The following C9orf50 variants were observed in gnomAD, a reference collection of about 807,000 sequenced individuals.
The protein encoded by C9orf50 is uncharacterized protein C9orf50.
C9orf50 carries 33 observed loss-of-function variants against 42.5 expected under a neutral mutation model. The observed-to-expected ratio is 0.78, with a 90% confidence interval of 0.59 to 1.04. The LOEUF (loss-of-function observed/expected upper bound fraction) is 1.04. Ranked by LOEUF, C9orf50 falls within the 50% of genes least tolerant of loss-of-function variation. The probability of loss-of-function intolerance (pLI) is 0.00; values close to 1 mark genes in which losing one functional copy is unlikely to be tolerated. For missense variants in C9orf50, 547 were observed against 594.3 expected (o/e 0.92, Z 0.83); for synonymous variants, 257 against 273.4 (o/e 0.94, Z 0.59).
In C9orf50 at chr9:129,620,477, GGCAGCCGCGGGTCGCT is replaced by G; in HGVS notation, c.82_97del (p.Ser28ProfsTer3). On this transcript the variant is annotated frameshift_variant, in exon 1 of 7. Transcript: ENST00000372478. LOFTEE classifies it high-confidence loss of function. This position sits in a 1 kb window ranked among gnomAD's most constrained non-coding sequence, Gnocchi z 5.8. ...TCGGAGCGCGGGCGGGGTCAGCTTG[GGCAGCCGCGGGTCGCT>G]GCTGCGTCGGAAGTCTCCGTCGCCA... 1 of 1,377,540 alleles carries G rather than the reference GGCAGCCGCGGGTCGCT, an allele frequency of 7.3e-7. No homozygotes were observed. The highest frequency in any genetic ancestry group is 1.6e-5 in the South Asian group (1 of 62,104). The allele number at this position is 1,377,540 out of a possible 1,614,324, so 85.3% of individuals were successfully genotyped here.
Position 129,613,310 on chromosome 9 carries a change from C to T in C9orf50, c.1044-59G>A. On this transcript the variant is annotated intron_variant, in intron 5 of 6. Transcript: ENST00000372478. This position sits in a 1 kb window ranked among gnomAD's most constrained non-coding sequence, Gnocchi z 6.2. The stretch of plus-strand genomic sequence containing the variant: ...CTCTGAGTCCCCGGCCCACCCATGG[C>T]TGGCAGGGCCCTTGAGGACCCACAC... The T allele has an allele frequency of 5.1e-6, 8 of 1,565,290 alleles. No individual in the cohort carries two copies. The South Asian group carries it at 8.4e-5, about 16-fold the overall frequency.
At chr9:129,618,811 G>A (rs1387492418) in intron 3 of C9orf50, among the ~76,000 whole-genome samples, 1 of 151,596 alleles carries the variant, frequency 6.6e-6, no homozygotes, top group African/African-American at 2.4e-5. Context: ...TCTCGCCTCA[G>A]CCTCCCGAGT....
At chr9:129,617,586 C>T (rs150175609) in intron 3 of C9orf50, among the ~76,000 whole-genome samples, 105 of 152,332 alleles carry the variant, frequency 6.9e-4, no homozygotes, top group African/African-American at 2.0e-3. Context: ...GAATGAATTC[C>T]ATACTTTTAT....
rs544860982 is a variant in C9orf50, at chr9:129,614,784, C to G, written c.880+700G>C. Among the ~76,000 whole-genome samples, 18 of 152,094 alleles carry G rather than the reference C, an allele frequency of 1.2e-4. No homozygotes were observed. Among genetic ancestry groups the G allele is most frequent in the African/African-American group, 3.9e-4 (16 of 41,398 alleles). On this transcript the variant is annotated intron_variant, in intron 4 of 6. Coordinates refer to ENST00000372478, the Ensembl canonical transcript of C9orf50. This position sits in a 1 kb window ranked among gnomAD's most constrained non-coding sequence, Gnocchi z 4.4. ...AGGGGCGGTGGCGCATGCCTGTAATCCCAGGTACTCAGGAGGCTGAGGCAG... is the reference window on the plus strand; with the variant it reads ...AGGGGCGGTGGCGCATGCCTGTAATGCCAGGTACTCAGGAGGCTGAGGCAG...
intron 3 of C9orf50, among the ~76,000 whole-genome samples, chr9:129,618,783 C>G (rs574878683): frequency 6.6e-6 from 1 of 152,222 alleles, no homozygotes; most frequent in African/African-American, 2.4e-5. Flanking sequence ...AGCTCCGCCT[C>G]CCGGGTTCAC....
Position 129,613,264 on chromosome 9 carries a change from G to A in C9orf50, c.1044-13C>T, listed in dbSNP as rs1392512468. 1 of 1,594,292 alleles carries A rather than the reference G, an allele frequency of 6.3e-7. No homozygotes were observed. ...CTTCTGGGTGGACCTGGGGGAGACA[G>A]GACCCCATGAGCTTCCTGGACTCTG... On this transcript the variant is annotated splice_polypyrimidine_tract_variant and intron_variant, in intron 5 of 6. Transcript: ENST00000372478. This position sits in a 1 kb window ranked among gnomAD's most constrained non-coding sequence, Gnocchi z 6.2.
rs1340310411 is a variant in C9orf50, at chr9:129,620,542, C to A, written c.33G>T (p.Gln11His). 7.1e-7 allele frequency: 1 copy of A among 1,406,234 alleles called. No homozygotes were observed. Among genetic ancestry groups the A allele is most frequent in the Non-Finnish European group, 9.3e-7 (1 of 1,076,780 alleles). The allele number at this position is 1,406,234 out of a possible 1,614,324, so 87.1% of individuals were successfully genotyped here. The change falls in exon 1 of 7, where the codon CAG becomes CAT. Residue 11 changes from glutamine to histidine, a missense_variant. Physicochemically the swap from Gln to His is conservative, Grantham distance 24. Around this residue, in one of 3 missense-constraint regions of C9orf50, gnomAD observed 105 missense variants for 98.5 expected, o/e 1.07. Coordinates refer to ENST00000372478, the Ensembl canonical transcript of C9orf50. The surrounding 1 kb of genome is among the most constrained non-coding windows in gnomAD (Gnocchi z 5.8). ...CAGGGAGCCCCTTGGGCGCCAGGTC[C>A]TGGGCCCCTGGGCGAAGTCGACGCC...
At position 129,616,044 on chromosome 9, in the gene C9orf50, T is replaced by A. The variant is rs145858591; in HGVS notation, c.717-397A>T. Among the ~76,000 whole-genome samples the A allele has an allele frequency of 5.9e-5, 9 of 152,280 alleles. No individual in the cohort carries two copies. In the East Asian group the frequency reaches 1.7e-3, roughly 29 times the overall value. On this transcript the variant is annotated intron_variant, in intron 3 of 6. Transcript: ENST00000372478. The stretch of plus-strand genomic sequence containing the variant: ...AATAAGAATGCCAGCCCAGGAGTCA[T>A]GCAGTCCTGGGTTTCATTCCTGACC...
Position 129,614,787 on chromosome 9 carries a change from A to C in C9orf50, c.880+697T>G, listed in dbSNP as rs564768706. 6.6e-6 allele frequency among the ~76,000 whole-genome samples: 1 copy of C among 152,284 alleles called. No homozygotes were observed. The highest frequency in any genetic ancestry group is 2.4e-5 in the African/African-American group (1 of 41,560). On this transcript the variant is annotated intron_variant, in intron 4 of 6. Transcript: ENST00000372478. The surrounding 1 kb of genome is among the most constrained non-coding windows in gnomAD (Gnocchi z 4.4). ...GGCGGTGGCGCATGCCTGTAATCCC[A>C]GGTACTCAGGAGGCTGAGGCAGGAG...
chr9:129,616,434 C>T (rs1187082249), intron 3 of C9orf50, among the ~76,000 whole-genome samples: 1 of 152,006 alleles, frequency 6.6e-6, no homozygotes, highest in African/African-American at 2.4e-5. Context: ...CAGGGTGGTC[C>T]CGAACGCCTG....
At chr9:129,619,399 G>A (rs1830557847) in intron 3 of C9orf50, 121 bp downstream of exon 3, 1 of 742,508 alleles carries the variant, frequency 1.3e-6, no homozygotes, top group Non-Finnish European at 2.3e-6. Flanking sequence ...CCATATGTAA[G>A]GATGGATGAA....
At chr9:129,619,567 G>C (rs1314226206) in exon 3 of C9orf50, 3 of 1,613,938 alleles carry the variant, frequency 1.9e-6, no homozygotes, top group African/African-American at 2.7e-5. Flanking sequence ...CACCCTTCAG[G>C]GGCCCCAGAA....
At position 129,620,471 on chromosome 9, in the gene C9orf50, A is replaced by G. The variant is rs1830640400; in HGVS notation, c.104T>C (p.Leu35Pro). 3 of 1,357,616 alleles carry G rather than the reference A, an allele frequency of 2.2e-6. No individual in the cohort carries two copies. The highest frequency in any genetic ancestry group is 2.9e-6 in the Non-Finnish European group (3 of 1,051,378). 84.1% of individuals were successfully genotyped at this position (1,357,616 alleles called of 1,614,324 possible). ...AGCCGCTCGGAGCGCGGGCGGGGTC[A>G]GCTTGGGCAGCCGCGGGTCGCTGCT... is the stretch of plus-strand genomic sequence containing the variant. Residue 35 changes from leucine (L) to proline (P), a missense_variant, in exon 1 of 7, where the codon CTG (leucine) becomes CCG (proline). Transcript: ENST00000372478. This position sits in a 1 kb window ranked among gnomAD's most constrained non-coding sequence, Gnocchi z 5.8.
At chr9:129,619,900 G>C in intron 1 of C9orf50, 70 bp from the exon 2 acceptor site, 2 of 1,547,686 alleles carry the variant, frequency 1.3e-6, no homozygotes, top group Non-Finnish European at 1.8e-6. Flanking sequence ...TGGCCTCGGG[G>C]TGATGGCAGA....
chr9:129,613,539 C>T lies in C9orf50; in HGVS notation c.939G>A (p.Val313=), dbSNP rs373916566. ...CCAGCCGTTTTCCGACACTCCCAAA[C>T]ACCCGCTCGGACGCCACTGGCAGGG... is the stretch of plus-strand genomic sequence containing the variant. The change falls in exon 5 of 7, where the codon GTG becomes GTA. Residue 313 remains valine (V), a synonymous_variant. Coordinates refer to ENST00000372478, the Ensembl canonical transcript of C9orf50. The surrounding 1 kb of genome is among the most constrained non-coding windows in gnomAD (Gnocchi z 6.2). 9 of 1,614,084 alleles carry T rather than the reference C, an allele frequency of 5.6e-6. No individual in the cohort carries two copies. The highest frequency in any genetic ancestry group is 3.3e-4 in the Middle Eastern group (2 of 6,084).
chr9:129,619,112 ATG>A (rs1830542746), intron 3 of C9orf50, among the ~76,000 whole-genome samples: 1 of 152,088 alleles, frequency 6.6e-6, no homozygotes, highest in Admixed American at 6.6e-5. Context: ...GGGTGAGTGA[ATG>A]TATGGATGGA....
At position 129,613,170 on chromosome 9, in the gene C9orf50, G is replaced by A. The variant is rs749311308; in HGVS notation, c.1125C>T (p.Ala375=). Residue 375 remains alanine (A), a synonymous_variant, in exon 6 of 7, where the codon GCC becomes GCT. Coordinates refer to ENST00000372478, the Ensembl canonical transcript of C9orf50. The surrounding 1 kb of genome is among the most constrained non-coding windows in gnomAD (Gnocchi z 6.2). The stretch of plus-strand genomic sequence containing the variant: ...GGCTGCTTCGCGGCCTCTGAGCAGC[G>A]GCCTTCTTCCATGAACAGAAGGGCA... The A allele has an allele frequency of 9.9e-6, 16 of 1,613,586 alleles. No homozygotes were observed. Among genetic ancestry groups the A allele is most frequent in the South Asian group, 2.2e-5 (2 of 91,076 alleles).
Position 129,620,107 on chromosome 9 carries a change from G to A in C9orf50, c.468C>T (p.His156=), listed in dbSNP as rs1290456109. 3.4e-6 allele frequency: 5 copies of A among 1,451,572 alleles called. No individual in the cohort carries two copies. The African/African-American group carries it at 4.3e-5, about 13-fold the overall frequency. The allele number at this position is 1,451,572 out of a possible 1,614,324, so 89.9% of individuals were successfully genotyped here. A position where few individuals can be genotyped will look rare whatever the true frequency, so the allele number is the denominator to read the frequency against. Residue 156 remains histidine (H), a synonymous_variant, in exon 1 of 7, where the codon CAC becomes CAT. Coordinates refer to ENST00000372478, the Ensembl canonical transcript of C9orf50. The surrounding 1 kb of genome is among the most constrained non-coding windows in gnomAD (Gnocchi z 5.8). Reference sequence around the variant, plus strand: ...CCTCGGCGCACTTCTCCTGGAGCTGGTGCAGGAACTCACGGAACCTGCTGG... The same window carrying A: ...CCTCGGCGCACTTCTCCTGGAGCTGATGCAGGAACTCACGGAACCTGCTGG...
Position 129,619,612 on chromosome 9 carries a change from A to G in C9orf50, c.624T>C (p.Asp208=), listed in dbSNP as rs564345443. Residue 208 remains aspartate, a synonymous_variant, in exon 3 of 7, where the codon GAT becomes GAC. Transcript: ENST00000372478. ...GCTGGAGCGAAATCTTCGTAAGACT[A>G]TCCTGGAGGTGCGATGACTGGCCCC... The G allele has an allele frequency of 9.9e-6, 16 of 1,614,026 alleles. No homozygotes were observed. In the South Asian group the frequency reaches 1.3e-4, roughly 13 times the overall value.
Sources: gnomAD v4.1 joint callset for allele counts (sites outside exome capture counted in the v4.1 genomes callset) on GRCh38, gnomAD v4.1.1 for gene constraint, gnomAD v4.1.1 regional missense constraint, Gnocchi (gnomAD v3.1) non-coding constraint, MANE v1.5 for transcripts, NCBI Gene and HGNC (gene_info 2026-07-23, HGNC 2026-07-21) for gene names.